PRKN: variants seen among roughly 807,000 people sequenced by gnomAD.
PRKN encodes E3 ubiquitin-protein ligase parkin.
A neutral mutation model predicts 59.5 loss-of-function variants in PRKN; 56 were observed. The ratio of observed to expected loss-of-function variants is 0.94; its 90% CI spans 0.76 to 1.18. The LOEUF (loss-of-function observed/expected upper bound fraction) is 1.18, where lower values mean the gene tolerates loss of function less well. Among genes scored for constraint, PRKN ranks in the 50% most tolerant of loss-of-function variants. PRKN has a pLI of 0.00. For synonymous variants in PRKN, 250 were observed against 222.1 expected, an observed-to-expected ratio of 1.13 and a Z score of -1.12; for missense variants, 657 against 596.4, an observed-to-expected ratio of 1.10 and a Z score of -1.06.
intron 6 of PRKN, among the ~76,000 whole-genome samples, chr6:161,823,147 G>A (rs1232518556): frequency 7.3e-5 from 11 of 150,666 alleles, no homozygotes; most frequent in East Asian, 2.0e-4. Context: ...ATGTTGCCCA[G>A]GCTAATCTCA....
chr6:162,205,546 A>G (rs1784901797), intron 3 of PRKN, among the ~76,000 whole-genome samples: 2 of 152,138 alleles, frequency 1.3e-5, no homozygotes, highest in African/African-American at 4.8e-5. Context: ...AAGATTTAAC[A>G]TATTTCTTAC....
chr6:162,016,235 T>C (rs1312490937), intron 5 of PRKN, among the ~76,000 whole-genome samples: 1 of 152,194 alleles, frequency 6.6e-6, no homozygotes, highest in African/African-American at 2.4e-5. Context: ...TAATTATACA[T>C]ATGAATCACA....
intron 2 of PRKN, among the ~76,000 whole-genome samples, chr6:162,370,867 T>C (rs1255821257): frequency 2.0e-5 from 3 of 152,190 alleles, no homozygotes; most frequent in Non-Finnish European, 4.4e-5. Context: ...TAGTGAGTGA[T>C]ACTGAAAAAC....
chr6:161,758,772 A>C (rs1337526335), intron 7 of PRKN, among the ~76,000 whole-genome samples: 2 of 152,240 alleles, frequency 1.3e-5, no homozygotes, highest in African/African-American at 4.8e-5. Context: ...GACTGGCCTG[A>C]AGTCACAAAG....
intron 1 of PRKN, chr6:162,727,418 C>A: frequency 2.1e-6 from 1 of 479,922 alleles, no homozygotes; most frequent in Non-Finnish European, 3.6e-6. Flanking sequence ...CCCGTCGAGG[C>A]GGTCTTCATG....
At chr6:161,733,613 A>ACC (rs1425133088) in intron 7 of PRKN, among the ~76,000 whole-genome samples, 2 of 151,866 alleles carry the variant, frequency 1.3e-5, no homozygotes, top group Non-Finnish European at 2.9e-5. Flanking sequence ...GACTCGAGGT[A>ACC]ATTCACTTTG....
chr6:162,273,309 G>A (rs1780476521), intron 2 of PRKN, among the ~76,000 whole-genome samples: 2 of 151,884 alleles, frequency 1.3e-5, no homozygotes, highest in South Asian at 2.1e-4. Context: ...TCAGGTGTGA[G>A]GCACAGAAAA....
chr6:162,677,664 C>T (rs1474992619), intron 1 of PRKN, among the ~76,000 whole-genome samples: 2 of 152,056 alleles, frequency 1.3e-5, no homozygotes, highest in Non-Finnish European at 2.9e-5. Flanking sequence ...GCTAGTCTGT[C>T]GATTGCTAGT....
At chr6:162,630,175 A>C (rs1206822782) in intron 1 of PRKN, among the ~76,000 whole-genome samples, 1 of 152,162 alleles carries the variant, frequency 6.6e-6, no homozygotes, top group East Asian at 1.9e-4. Context: ...GTCATACAGT[A>C]ATAGTGTATA....
At chr6:162,469,677 C>A (rs370307322) in intron 1 of PRKN, among the ~76,000 whole-genome samples, 1 of 151,930 alleles carries the variant, frequency 6.6e-6, no homozygotes, top group Non-Finnish European at 1.5e-5. Flanking sequence ...GGAGCTAAGC[C>A]ATGAAGATGC....
At chr6:162,076,909 G>A (rs571076820) in intron 4 of PRKN, among the ~76,000 whole-genome samples, 10 of 152,048 alleles carry the variant, frequency 6.6e-5, no homozygotes, top group Non-Finnish European at 1.2e-4. Flanking sequence ...ATATTTTCAG[G>A]GGAACAATTT....
rs140271065 is a variant in PRKN at position 162,268,635 on chromosome 6, C to T, written c.172-5870G>A. Among the ~76,000 whole-genome samples the T allele has an allele frequency of 3.9e-5, 6 of 152,274 alleles. No homozygotes were observed. In the East Asian group the frequency reaches 1.2e-3, roughly 29 times the overall value. Reference sequence around the variant, plus strand: ...TTACTTATTGTGGTTGCTGTTGATTCCACTTTATAGAAGACAAAGGGGAGC... The same window carrying T: ...TTACTTATTGTGGTTGCTGTTGATTTCACTTTATAGAAGACAAAGGGGAGC... On this transcript the variant is annotated intron_variant, in intron 2 of 11. Coordinates refer to ENST00000366898, the MANE Select transcript of PRKN (RefSeq NM_004562.3).
At chr6:162,182,257 G>A (rs529729215) in intron 4 of PRKN, among the ~76,000 whole-genome samples, 11 of 152,128 alleles carry the variant, frequency 7.2e-5, no homozygotes, top group Non-Finnish European at 1.3e-4. Flanking sequence ...GAGATCAAAC[G>A]CTACACTTAA....
chr6:161,431,257 G>T (rs1691799657), intron 9 of PRKN, among the ~76,000 whole-genome samples: 1 of 151,922 alleles, frequency 6.6e-6, no homozygotes, highest in South Asian at 2.1e-4. Flanking sequence ...TAACTGGAAA[G>T]AAATAAACCT....
chr6:162,213,608 A>T (rs1777497180), intron 3 of PRKN, among the ~76,000 whole-genome samples: 1 of 151,984 alleles, frequency 6.6e-6, no homozygotes, highest in Non-Finnish European at 1.5e-5. Flanking sequence ...ACATGCCTGT[A>T]CCTCCAGCTA....
At chr6:162,108,541 G>T (rs1368354201) in intron 4 of PRKN, among the ~76,000 whole-genome samples, 1 of 152,028 alleles carries the variant, frequency 6.6e-6, no homozygotes, top group African/African-American at 2.4e-5. Flanking sequence ...AACTCAAATC[G>T]CAGAGTATTT....
chr6:162,541,745 C>T (rs1265674178), intron 1 of PRKN, among the ~76,000 whole-genome samples: 1 of 152,096 alleles, frequency 6.6e-6, no homozygotes, highest in Non-Finnish European at 1.5e-5. Flanking sequence ...CATTTTGCAG[C>T]CGTTTAGCGT....
rs1785473752 is a variant in PRKN at position 161,372,342 on chromosome 6, T to G, written c.1168-12137A>C. On this transcript the variant is annotated intron_variant, in intron 10 of 11. Coordinates refer to ENST00000366898, the MANE Select transcript of PRKN (RefSeq NM_004562.3). The surrounding 1 kb of genome is among the most constrained non-coding windows in gnomAD (Gnocchi z 4.2). ...TTATCCACATAGATGGGATTCTGAA[T>G]GCGGAATCATCACTAATAGGATGTG... Among the ~76,000 whole-genome samples the G allele has an allele frequency of 6.6e-6, 1 of 152,216 alleles. No homozygotes were observed. Among genetic ancestry groups the G allele is most frequent in the Non-Finnish European group, 1.5e-5 (1 of 68,032 alleles).
At chr6:161,597,505 C>T (rs1254291022) in intron 7 of PRKN, among the ~76,000 whole-genome samples, 2 of 152,220 alleles carry the variant, frequency 1.3e-5, no homozygotes, top group Non-Finnish European at 2.9e-5. Flanking sequence ...CAGCCATTCA[C>T]TTACCCAGGG....
Sources: allele counts gnomAD v4.1 joint callset (sites outside exome capture counted in the v4.1 genomes callset), GRCh38; gene constraint gnomAD v4.1.1; non-coding constraint Gnocchi (gnomAD v3.1); transcripts MANE v1.5; gene names NCBI Gene and HGNC (gene_info 2026-07-23, HGNC 2026-07-21).